DLGAP2: variants seen among roughly 807,000 people sequenced by gnomAD.
The protein encoded by DLGAP2 is disks large-associated protein 2.
A neutral mutation model predicts 100.3 loss-of-function variants in DLGAP2; 26 were observed. The observed-to-expected ratio is 0.26, with a 90% CI of 0.19 to 0.36. The LOEUF (loss-of-function observed/expected upper bound fraction) is 0.36. DLGAP2 is among the 10% of genes least tolerant of loss of function. The pLI is 1.00. For missense variants in DLGAP2, 1,858 were observed against 1,453.2 expected (o/e 1.28, Z -4.53); for synonymous variants, 886 against 630.1 (o/e 1.41, Z -6.08).
intron 2 of DLGAP2, among the ~76,000 whole-genome samples, chr8:910,081 T>C (rs757822444): frequency 1.2e-4 from 18 of 152,202 alleles, no homozygotes; most frequent in Non-Finnish European, 2.1e-4. Flanking sequence ...ACGAAACGAG[T>C]TCTGCAGATG....
intron 3 of DLGAP2, among the ~76,000 whole-genome samples, chr8:1,446,923 G>C (rs1563154802): frequency 6.6e-6 from 1 of 152,150 alleles, no homozygotes; most frequent in African/African-American, 2.4e-5. Flanking sequence ...GAATGCTTGT[G>C]ATTTTTGTAC....
chr8:1,587,561 A>G (rs1256690636), intron 6 of DLGAP2, among the ~76,000 whole-genome samples: 1 of 152,236 alleles, frequency 6.6e-6, no homozygotes, highest in East Asian at 1.9e-4. Flanking sequence ...TACATCACAC[A>G]TATATTGATA....
chr8:1,639,080 C>A (rs1158623872), intron 8 of DLGAP2, among the ~76,000 whole-genome samples: 3 of 152,192 alleles, frequency 2.0e-5, no homozygotes, highest in African/African-American at 4.8e-5. Context: ...CCCACAGGTG[C>A]CGAGTAGTTC....
intron 3 of DLGAP2, among the ~76,000 whole-genome samples, chr8:1,446,147 T>G (rs1420893346): frequency 1.3e-5 from 2 of 152,072 alleles, no homozygotes; most frequent in African/African-American, 4.8e-5. Flanking sequence ...TTTGGTGTTT[T>G]AGACATGAAG....
chr8:746,086 G>A (rs746105432), intron 1 of DLGAP2, among the ~76,000 whole-genome samples: 6 of 152,204 alleles, frequency 3.9e-5, no homozygotes, highest in Admixed American at 2.6e-4. Flanking sequence ...GTCGGGGCCC[G>A]TGTGCCCTGC....
intron 2 of DLGAP2, among the ~76,000 whole-genome samples, chr8:985,104 A>G (rs1248525916): frequency 2.6e-5 from 4 of 152,250 alleles, no homozygotes; most frequent in African/African-American, 9.6e-5. Flanking sequence ...TCATATCTTG[A>G]CAGTGATCAT....
chr8:1,671,513 C>T (rs1798689560), intron 10 of DLGAP2, among the ~76,000 whole-genome samples: 1 of 152,248 alleles, frequency 6.6e-6, no homozygotes, highest in African/African-American at 2.4e-5. Context: ...AGAGACAGCT[C>T]CAGGAGGGTC....
intron 1 of DLGAP2, among the ~76,000 whole-genome samples, chr8:882,310 T>G (rs1797819108): frequency 6.6e-6 from 1 of 150,948 alleles, no homozygotes; most frequent in African/African-American, 2.4e-5. Flanking sequence ...AGGCCTCTCC[T>G]GCGGGCACCC....
At chr8:907,061 A>T (rs927307349) in intron 1 of DLGAP2, among the ~76,000 whole-genome samples, 1 of 152,190 alleles carries the variant, frequency 6.6e-6, no homozygotes, top group Non-Finnish European at 1.5e-5. Flanking sequence ...GCCAGACTGA[A>T]AGTCGATCGA....
chr8:1,118,803 C>T (rs775201450), intron 2 of DLGAP2, among the ~76,000 whole-genome samples: 45 of 152,274 alleles, frequency 3.0e-4, no homozygotes, highest in Admixed American at 5.2e-4. Flanking sequence ...TGGGTGAGTT[C>T]TTCATGGCTG....
chr8:1,362,019 T>C (rs1403787025), intron 3 of DLGAP2, among the ~76,000 whole-genome samples: 1 of 152,232 alleles, frequency 6.6e-6, no homozygotes, highest in South Asian at 2.1e-4. Flanking sequence ...CCTTCCGTGC[T>C]ACGGTGGCAA....
chr8:794,468 A>G (rs1185112685), intron 1 of DLGAP2, among the ~76,000 whole-genome samples: 1 of 152,224 alleles, frequency 6.6e-6, no homozygotes, highest in Non-Finnish European at 1.5e-5. Flanking sequence ...ATATTAACTA[A>G]AAGTCTCCCT....
intron 1 of DLGAP2, among the ~76,000 whole-genome samples, chr8:890,187 G>C (rs555709655): frequency 1.2e-4 from 19 of 152,262 alleles, no homozygotes; most frequent in East Asian, 9.7e-4. Context: ...TCTGCTTCTA[G>C]TCAGCCATCT....
At chr8:765,839 C>T (rs375747262) in intron 1 of DLGAP2, among the ~76,000 whole-genome samples, 1 of 152,108 alleles carries the variant, frequency 6.6e-6, no homozygotes, top group South Asian at 2.1e-4. Context: ...AAACACACCC[C>T]CACACACATG....
intron 2 of DLGAP2, among the ~76,000 whole-genome samples, chr8:921,574 A>C (rs552121092): frequency 2.2e-4 from 34 of 152,346 alleles, no homozygotes; most frequent in African/African-American, 7.2e-4. Context: ...TCCCATAGAC[A>C]GTCTGTGGGA....
chr8:766,146 G>A (rs995149538), intron 1 of DLGAP2, among the ~76,000 whole-genome samples: 1 of 152,154 alleles, frequency 6.6e-6, no homozygotes, highest in Non-Finnish European at 1.5e-5. Context: ...CAGCCTGAGT[G>A]ACAGAGCGAG....
At chr8:1,507,002 C>G (rs1799942996) in intron 4 of DLGAP2, among the ~76,000 whole-genome samples, 1 of 152,246 alleles carries the variant, frequency 6.6e-6, no homozygotes, top group Non-Finnish European at 1.5e-5. Flanking sequence ...CATCTACAAA[C>G]CTTTTGCTAG....
chr8:1,159,875 A>ACC (rs1796857006), intron 2 of DLGAP2, among the ~76,000 whole-genome samples: 1 of 152,122 alleles, frequency 6.6e-6, no homozygotes, highest in South Asian at 2.1e-4. Context: ...AGGCCCCCCA[A>ACC]CCCCTGAAGG....
intron 5 of DLGAP2, among the ~76,000 whole-genome samples, chr8:1,564,030 C>G (rs1490185458): frequency 6.6e-6 from 1 of 152,176 alleles, no homozygotes; most frequent in African/African-American, 2.4e-5. Context: ...TCTTCTCCTA[C>G]ATGAAAAACA....
Sources: allele counts gnomAD v4.1 joint callset (sites outside exome capture counted in the v4.1 genomes callset), GRCh38; gene constraint gnomAD v4.1.1; transcripts MANE v1.5; gene names NCBI Gene and HGNC (gene_info 2026-07-23, HGNC 2026-07-21).